The following QKI variants were observed in gnomAD, a reference collection of about 807,000 sequenced individuals.
QKI encodes the protein QKI, KH domain containing RNA binding, also known as KH domain-containing RNA-binding protein QKI.
A neutral mutation model predicts 39.0 loss-of-function variants in QKI; 10 were observed. The ratio of observed to expected loss-of-function variants is 0.26; its 90% confidence interval spans 0.16 to 0.43. The LOEUF (loss-of-function observed/expected upper bound fraction) is 0.43. Ranked by LOEUF, QKI falls within the 20% of genes least tolerant of loss-of-function variation. The pLI is 1.00. For synonymous variants in QKI, 204 were observed against 155.4 expected (o/e 1.31, Z -2.33); for missense variants, 218 against 428.0 (o/e 0.51, Z 4.33).
chr6:163,555,640 G>A (rs953655059), intron 4 of QKI, among the ~76,000 whole-genome samples: 5 of 151,952 alleles, frequency 3.3e-5, no homozygotes, highest in African/African-American at 1.2e-4. Flanking sequence ...CGGGGATTGT[G>A]GACAGATGAT....
chr6:163,459,570 G>A (rs1791194182), intron 2 of QKI, among the ~76,000 whole-genome samples: 1 of 152,130 alleles, frequency 6.6e-6, no homozygotes, highest in Admixed American at 6.6e-5. Context: ...AATATTTGCC[G>A]AAAAATAATT....
intron 1 of QKI, among the ~76,000 whole-genome samples, chr6:163,438,343 T>C (rs1213373633): frequency 4.6e-5 from 7 of 151,644 alleles, no homozygotes; most frequent in Non-Finnish European, 1.0e-4. Context: ...AGTACTATTA[T>C]TATTTTAAAG....
chr6:163,557,181 C>CTGTCATA (rs1358816349), intron 4 of QKI, among the ~76,000 whole-genome samples: 1 of 152,194 alleles, frequency 6.6e-6, no homozygotes, highest in Non-Finnish European at 1.5e-5. Flanking sequence ...AGTCTGACAG[C>CTGTCATA]TGTCATACTG....
chr6:163,510,058 T>C (rs1316306589), intron 3 of QKI, among the ~76,000 whole-genome samples: 3 of 151,628 alleles, frequency 2.0e-5, no homozygotes, highest in African/African-American at 7.3e-5. Context: ...CTACTAAAAA[T>C]ACAAAAAATT....
At chr6:163,429,635 A>ACTCT (rs1406740988) in intron 1 of QKI, among the ~76,000 whole-genome samples, 5 of 152,164 alleles carry the variant, frequency 3.3e-5, no homozygotes, top group African/African-American at 1.2e-4. Flanking sequence ...TGAATACCAA[A>ACTCT]CTCTTATTTT....
intron 2 of QKI, among the ~76,000 whole-genome samples, chr6:163,465,267 A>G (rs960801414): frequency 6.6e-6 from 1 of 152,182 alleles, no homozygotes; most frequent in African/African-American, 2.4e-5. Context: ...CTCTGAGGTC[A>G]GGAAGAAGAC....
chr6:163,434,512 GAGACCATCC>G (rs1189288853), intron 1 of QKI, among the ~76,000 whole-genome samples: 1 of 151,912 alleles, frequency 6.6e-6, no homozygotes, highest in Admixed American at 6.6e-5. Flanking sequence ...TCAGGAGATC[GAGACCATCC>G]TGGCTAACAC....
chr6:163,529,495 C>CA (rs1780717438), intron 3 of QKI, among the ~76,000 whole-genome samples: 1 of 151,606 alleles, frequency 6.6e-6, no homozygotes, highest in Non-Finnish European at 1.5e-5. Context: ...TAGAAAAAGA[C>CA]AATGCACAGA....
chr6:163,444,791 G>T (rs963740635), intron 1 of QKI, among the ~76,000 whole-genome samples: 3 of 152,014 alleles, frequency 2.0e-5, no homozygotes, highest in Non-Finnish European at 2.9e-5. Flanking sequence ...CATTTTGAGT[G>T]ATTTTTTTCC....
At chr6:163,487,731 G>A (rs912855683) in intron 3 of QKI, among the ~76,000 whole-genome samples, 1 of 151,790 alleles carries the variant, frequency 6.6e-6, no homozygotes, top group African/African-American at 2.4e-5. Flanking sequence ...AATGACAAAG[G>A]TTTAGTTAAA....
At chr6:163,512,039 A>T (rs1317712048) in intron 3 of QKI, among the ~76,000 whole-genome samples, 1 of 152,076 alleles carries the variant, frequency 6.6e-6, no homozygotes, top group East Asian at 1.9e-4. Context: ...GTTTAGTTTT[A>T]ACATCTTGAA....
At chr6:163,467,815 T>C (rs1791883594) in intron 2 of QKI, among the ~76,000 whole-genome samples, 1 of 152,180 alleles carries the variant, frequency 6.6e-6, no homozygotes, top group Admixed American at 6.6e-5. Flanking sequence ...TAGGATTGTT[T>C]ACAATGGTTT....
chr6:163,460,905 T>G (rs1791304039), intron 2 of QKI, among the ~76,000 whole-genome samples: 1 of 114,152 alleles, frequency 8.8e-6, no homozygotes, highest in Non-Finnish European at 2.0e-5. Flanking sequence ...TGCTTTAAAA[T>G]TACGATCTAC....
In QKI at chr6:163,415,082, A is replaced by C; in HGVS notation, c.-112A>C. 1.0e-6 allele frequency: 1 copy of C among 963,210 alleles called. No individual in the cohort carries two copies. The highest frequency in any genetic ancestry group is 1.2e-6 in the Non-Finnish European group (1 of 810,236). The allele number at this position is 963,210 out of a possible 1,614,324, so 59.7% of individuals were successfully genotyped here. ...GGAGCCAGAGCGGGAGCCGGCGCGGAGCGGGACGCCGGGTCCCGAGCGGCC... is the reference window on the plus strand; with the variant it reads ...GGAGCCAGAGCGGGAGCCGGCGCGGCGCGGGACGCCGGGTCCCGAGCGGCC... On this transcript the variant is annotated 5_prime_UTR_variant, in exon 1 of 8. Coordinates refer to ENST00000361752, the MANE Select transcript of QKI (RefSeq NM_006775.3).
intron 4 of QKI, among the ~76,000 whole-genome samples, chr6:163,544,504 A>G (rs981383076): frequency 6.6e-6 from 1 of 152,030 alleles, no homozygotes; most frequent in African/African-American, 2.4e-5. Flanking sequence ...TGTTCCTGCA[A>G]ATGTCTAAGG....
chr6:163,443,426 G>T (rs1453627587), intron 1 of QKI, among the ~76,000 whole-genome samples: 1 of 152,186 alleles, frequency 6.6e-6, no homozygotes, highest in Non-Finnish European at 1.5e-5. Flanking sequence ...AAAATTAGTC[G>T]GTGTGGTGGC....
chr6:163,478,739 C>A, intron 2 of QKI, 41 bp from the exon 3 acceptor site: 2 of 1,307,698 alleles, frequency 1.5e-6, no homozygotes, highest in Non-Finnish European at 2.2e-6. Flanking sequence ...TAAGTTCCAG[C>A]AAGTGAATAA....
Position 163,495,223 on chromosome 6 carries a change from G to T in QKI, c.402+16327G>T, listed in dbSNP as rs542184434. Among the ~76,000 whole-genome samples, 12 of 152,206 alleles carry T rather than the reference G, an allele frequency of 7.9e-5. No individual in the cohort carries two copies. The East Asian group carries it at 2.3e-3, about 29-fold the overall frequency. ...AGCCACCGCGCTTGGCCTAAATAAG[G>T]TGTCTTTGAACAGAAACACATATAA... is the stretch of plus-strand genomic sequence containing the variant. On this transcript the variant is annotated intron_variant, in intron 3 of 7. Coordinates refer to ENST00000361752, the MANE Select transcript of QKI (RefSeq NM_006775.3).
chr6:163,478,656 A>T, intron 2 of QKI, 124 bp from the exon 3 acceptor site: 1 of 658,612 alleles, frequency 1.5e-6, no homozygotes. Flanking sequence ...TCTAGATTTT[A>T]TTTCAACTTA....
Sources: allele counts gnomAD v4.1 joint callset (sites outside exome capture counted in the v4.1 genomes callset), GRCh38; gene constraint gnomAD v4.1.1; transcripts MANE v1.5; gene names NCBI Gene and HGNC (gene_info 2026-07-23, HGNC 2026-07-21).